SLC26A2: variants seen among roughly 807,000 people sequenced by gnomAD.
SLC26A2 encodes sulfate transporter.
A neutral mutation model predicts 41.1 loss-of-function variants in SLC26A2; 36 were observed. The observed-to-expected ratio is 0.88, with a 90% CI of 0.67 to 1.16. The LOEUF (loss-of-function observed/expected upper bound fraction) is 1.16, where lower values mean the gene tolerates loss of function less well. Ranked by LOEUF, SLC26A2 falls within the 50% of genes most tolerant of loss-of-function variation. The probability of loss-of-function intolerance (pLI) is 0.00; values close to 1 mark genes in which losing one functional copy is unlikely to be tolerated. For missense variants in SLC26A2, 796 were observed against 869.6 expected, an observed-to-expected ratio of 0.92 and a Z score of 1.07; for synonymous variants, 291 against 311.6, an observed-to-expected ratio of 0.93 and a Z score of 0.70.
At chr5:149,967,778 G>A (rs1561813042) in intron 1 of SLC26A2, among the ~76,000 whole-genome samples, 1 of 151,434 alleles carries the variant, frequency 6.6e-6, no homozygotes, top group Admixed American at 6.6e-5. Context: ...TGTTGTTGTT[G>A]TTATTCTGTC....
rs1175250486 is a variant in SLC26A2, at chr5:149,984,114, C to T, written c.*2301C>T. 6.6e-6 allele frequency: 1 copy of T among 152,200 alleles called. No individual in the cohort carries two copies. Among genetic ancestry groups the T allele is most frequent in the Non-Finnish European group, 1.5e-5 (1 of 68,034 alleles). The allele number at this position is 152,200 out of a possible 1,614,324, so 9.4% of individuals were successfully genotyped here. The stretch of plus-strand genomic sequence containing the variant: ...ATTTCTGTCCATATGTGGATGTAAA[C>T]AGTTCTGGAACGTTATGCATGCAGT... On this transcript the variant is annotated 3_prime_UTR_variant, in exon 3 of 3. Transcript: ENST00000286298.
chr5:149,980,790 A>G lies in SLC26A2; in HGVS notation c.1197A>G (p.Ser399=). Residue 399 remains serine, a synonymous_variant, in exon 3 of 3, where the codon TCA becomes TCG. Coordinates refer to ENST00000286298, the MANE Select transcript of SLC26A2 (RefSeq NM_000112.4). ...TCATTGGTTTTGCTATCACTGTATCACTTTCTGAGATGTTTGCCAAGAAAC... is the reference window on the plus strand; with the variant it reads ...TCATTGGTTTTGCTATCACTGTATCGCTTTCTGAGATGTTTGCCAAGAAAC... The part of the protein sequence containing the change: ...ISIIGFAITV[S]LSEMFAKKHG... 6.2e-7 allele frequency: 1 copy of G among 1,614,080 alleles called. No individual in the cohort carries two copies. Among genetic ancestry groups the G allele is most frequent in the South Asian group, 1.1e-5 (1 of 91,072 alleles).
At position 149,977,935 on chromosome 5, in the gene SLC26A2, GTT is replaced by G; in HGVS notation, c.286_287del (p.Leu96AlafsTer78). 6.2e-7 allele frequency: 1 copy of G among 1,614,192 alleles called. No homozygotes were observed. The highest frequency in any genetic ancestry group is 8.5e-7 in the Non-Finnish European group (1 of 1,180,024). ...AAATATGATTTTAGGTTTCCTTCCTGTTTTGCAGTGGCTCCCAAAATACGACC... is the reference window on the plus strand; with the variant it reads ...AAATATGATTTTAGGTTTCCTTCCTGTTGCAGTGGCTCCCAAAATACGACC... The part of the protein sequence containing the change: ...AKNMILGFLP[V>X]LQWLPKYDLK... On this transcript the variant is annotated frameshift_variant, in exon 2 of 3. Coordinates refer to ENST00000286298, the MANE Select transcript of SLC26A2 (RefSeq NM_000112.4). LOFTEE classifies it high-confidence loss of function.
At chr5:149,966,558 T>G (rs1754808452) in intron 1 of SLC26A2, among the ~76,000 whole-genome samples, 1 of 152,194 alleles carries the variant, frequency 6.6e-6, no homozygotes, top group South Asian at 2.1e-4. Context: ...AGGTTGAGTA[T>G]CCCTTACCTG....
chr5:149,968,750 G>A (rs554051499), intron 1 of SLC26A2, among the ~76,000 whole-genome samples: 18 of 137,170 alleles, frequency 1.3e-4, no homozygotes, highest in African/African-American at 5.0e-4. Flanking sequence ...ACGGACTCTC[G>A]GTCTGTTGCC....
chr5:149,978,349 C>G lies in SLC26A2; in HGVS notation c.697C>G (p.Gln233Glu). The G allele has an allele frequency of 6.2e-7, 1 of 1,608,540 alleles. No homozygotes were observed. The highest frequency in any genetic ancestry group is 8.5e-7 in the Non-Finnish European group (1 of 1,177,410). ...TGTAACCTTTATAGCTGGAGTTTAT[C>G]AGGTAAGCAGCAATGAAACAATTGG... ...STVTFIAGVYQVAMGFFQVGF... is the reference protein window; with the variant it reads ...STVTFIAGVYEVAMGFFQVGF... The change falls in exon 2 of 3, where the codon CAG becomes GAG. Residue 233 changes from glutamine to glutamate, a missense_variant and splice_region_variant. Coordinates refer to ENST00000286298, the MANE Select transcript of SLC26A2 (RefSeq NM_000112.4).
intron 1 of SLC26A2, among the ~76,000 whole-genome samples, chr5:149,973,043 GC>G (rs1365379656): frequency 6.6e-6 from 1 of 151,948 alleles, no homozygotes; most frequent in African/African-American, 2.4e-5. Flanking sequence ...AGTTTGCTGG[GC>G]ATGGTGGCTC....
intron 1 of SLC26A2, among the ~76,000 whole-genome samples, chr5:149,972,053 T>G (rs142907769): frequency 6.6e-6 from 1 of 152,354 alleles, no homozygotes; most frequent in East Asian, 1.9e-4. Context: ...CTATTGCTGT[T>G]TGTGTTTTCT....
chr5:149,972,476 A>G (rs1754920729), intron 1 of SLC26A2, among the ~76,000 whole-genome samples: 1 of 152,242 alleles, frequency 6.6e-6, no homozygotes, highest in Non-Finnish European at 1.5e-5. Context: ...TGTGTAGAGT[A>G]GCTGAATTTT....
At position 149,982,163 on chromosome 5, in the gene SLC26A2, C is replaced by T. The variant is rs1370335635; in HGVS notation, c.*350C>T. The T allele has an allele frequency of 8.1e-5, 16 of 197,736 alleles. No individual in the cohort carries two copies. The highest frequency in any genetic ancestry group is 3.1e-4 in the African/African-American group (13 of 42,560). The allele number at this position is 197,736 out of a possible 1,614,324, so 12.2% of individuals were successfully genotyped here. Reference sequence around the variant, plus strand: ...ACTGTGCATTCTCCAAGAGATGAAGCGGTGAAGTTGGGATTTACATTGGAA... The same window carrying T: ...ACTGTGCATTCTCCAAGAGATGAAGTGGTGAAGTTGGGATTTACATTGGAA... On this transcript the variant is annotated 3_prime_UTR_variant, in exon 3 of 3. Coordinates refer to ENST00000286298, the MANE Select transcript of SLC26A2 (RefSeq NM_000112.4).
chr5:149,974,304 TTTG>T (rs1307109318), intron 1 of SLC26A2, among the ~76,000 whole-genome samples: 4 of 152,056 alleles, frequency 2.6e-5, no homozygotes, highest in Non-Finnish European at 5.9e-5. Context: ...CTCTTTATCT[TTTG>T]TTTTCAGCAG....
Position 149,981,521 on chromosome 5 carries a change from C to G in SLC26A2, c.1928C>G (p.Pro643Arg). ...DEMSVQLSHD[P>R]LELHTIVIDC... ...ATGTCAGTGCAACTTTCCCATGATC[C>G]CTTGGAGCTGCATACTATAGTGATT... Residue 643 changes from proline (P) to arginine (R), a missense_variant, in exon 3 of 3, where the codon CCC becomes CGC. Coordinates refer to ENST00000286298, the MANE Select transcript of SLC26A2 (RefSeq NM_000112.4). 6.2e-7 allele frequency: 1 copy of G among 1,614,000 alleles called. No homozygotes were observed. The highest frequency in any genetic ancestry group is 8.5e-7 in the Non-Finnish European group (1 of 1,179,988).
At chr5:149,972,039 A>G (rs1255002536) in intron 1 of SLC26A2, among the ~76,000 whole-genome samples, 1 of 152,214 alleles carries the variant, frequency 6.6e-6, no homozygotes, top group Admixed American at 6.5e-5. Flanking sequence ...CTCCAACATT[A>G]GAACTATTGC....
chr5:149,968,002 T>C (rs1038557544), intron 1 of SLC26A2, among the ~76,000 whole-genome samples: 3 of 151,138 alleles, frequency 2.0e-5, no homozygotes, highest in African/African-American at 7.3e-5. Context: ...GATCCAGCTC[T>C]TTTTTTTTAT....
chr5:149,977,730 G>A lies in SLC26A2; in HGVS notation c.78G>A (p.Gly26=), dbSNP rs767575929. 6.2e-7 allele frequency: 1 copy of A among 1,613,552 alleles called. No homozygotes were observed. Among genetic ancestry groups the A allele is most frequent in the African/African-American group, 1.3e-5 (1 of 74,902 alleles). The change falls in exon 2 of 3, where the codon GGG becomes GGA. Residue 26 remains glycine (G), a synonymous_variant. Transcript: ENST00000286298. ...AAGGAAATGACAGTTATCCATCTGG[G>A]ATCCATCTGGAACTTCAAAGGGAAT... The part of the protein sequence containing the change: ...SAEGNDSYPS[G]IHLELQRESS...
At chr5:149,970,743 G>A (rs1036195794) in intron 1 of SLC26A2, among the ~76,000 whole-genome samples, 17 of 152,114 alleles carry the variant, frequency 1.1e-4, no homozygotes, top group African/African-American at 3.9e-4. Flanking sequence ...GAGGATGGTA[G>A]GACAATAGTG....
chr5:149,981,938 C>G lies in SLC26A2; in HGVS notation c.*125C>G, dbSNP rs1051193183. On this transcript the variant is annotated 3_prime_UTR_variant, in exon 3 of 3. Transcript: ENST00000286298. ...TTAACCAAGTGGCTAGATATTATTC[C>G]TCCTTTGAAGCTAATGGCATTTGTA... 1 of 676,366 alleles carries G rather than the reference C, an allele frequency of 1.5e-6. No homozygotes were observed. Among genetic ancestry groups the G allele is most frequent in the African/African-American group, 1.8e-5 (1 of 55,252 alleles). The allele number at this position is 676,366 out of a possible 1,614,324, so 41.9% of individuals were successfully genotyped here.
rs769046123 is a variant in SLC26A2, at chr5:149,978,223, GCTC to G, written c.574_576del (p.Pro192del). 6.2e-7 allele frequency: 1 copy of G among 1,614,060 alleles called. No individual in the cohort carries two copies. The highest frequency in any genetic ancestry group is 1.3e-5 in the African/African-American group (1 of 75,022). On this transcript the variant is annotated inframe_deletion, in exon 2 of 3. Coordinates refer to ENST00000286298, the MANE Select transcript of SLC26A2 (RefSeq NM_000112.4). ...AGCTGGCTATGACAATGCCCATAGT[GCTC>G]CTTCCTTAGGAATGGTTTCAAATGG...
intron 1 of SLC26A2, among the ~76,000 whole-genome samples, chr5:149,963,848 G>A (rs544422850): frequency 4.4e-5 from 6 of 137,684 alleles, no homozygotes; most frequent in Non-Finnish European, 9.1e-5. Context: ...CTCTCAAAGC[G>A]CTGGGATTAC....
Sources: allele counts gnomAD v4.1 joint callset (sites outside exome capture counted in the v4.1 genomes callset), GRCh38; gene constraint gnomAD v4.1.1; transcripts MANE v1.5; gene names NCBI Gene and HGNC (gene_info 2026-07-23, HGNC 2026-07-21).